RARA: variants seen among roughly 807,000 people sequenced by gnomAD.
RARA encodes the protein PML-DDX5-RARA fusion.
Under a neutral mutation model 42.8 loss-of-function variants are expected in RARA, and 5 were observed. The observed-to-expected ratio is 0.12, with a 90% CI of 0.06 to 0.25. RARA has a LOEUF of 0.25. RARA is among the 10% of genes least tolerant of loss of function. The probability of loss-of-function intolerance (pLI) is 1.00; values close to 1 mark genes in which losing one functional copy is unlikely to be tolerated. For synonymous variants in RARA, 256 were observed against 259.5 expected, an observed-to-expected ratio of 0.99 and a Z score of 0.13; for missense variants, 402 against 628.7, an observed-to-expected ratio of 0.64 and a Z score of 3.86.
chr17:40,311,132 C>G (rs2033086812), intron 1 of RARA, among the ~76,000 whole-genome samples: 1 of 152,002 alleles, frequency 6.6e-6, no homozygotes, highest in South Asian at 2.1e-4. Context: ...CTCTCTCTCC[C>G]CTGCCCAGTG....
At chr17:40,344,483 GC>G (rs1335221542) in intron 2 of RARA, among the ~76,000 whole-genome samples, 9 of 152,306 alleles carry the variant, frequency 5.9e-5, no homozygotes, top group African/African-American at 1.7e-4. Flanking sequence ...CTGGAGAGAA[GC>G]TGGGATCTGA....
rs187654761 is a variant in RARA at position 40,348,525 on chromosome 17, C to G, written c.327+61C>G. ...TGAGGTCAATGGGATGTCCCCACTT[C>G]TGTGTCCTGGGAGTGTGCAGTTGGG... On this transcript the variant is annotated intron_variant, in intron 3 of 8. Transcript: ENST00000254066. 5.6e-3 allele frequency: 8,874 copies of G among 1,571,396 alleles called. 34 individuals carry two copies. The highest frequency in any genetic ancestry group is 6.9e-3 in the Non-Finnish European group (7,968 of 1,157,352).
At chr17:40,313,991 A>G (rs2033143974) in intron 1 of RARA, among the ~76,000 whole-genome samples, 1 of 152,258 alleles carries the variant, frequency 6.6e-6, no homozygotes, top group Non-Finnish European at 1.5e-5. Flanking sequence ...TTGTAGCCAG[A>G]GCACTGAGCA....
chr17:40,333,554 T>C (rs1193659702), intron 2 of RARA, among the ~76,000 whole-genome samples: 1 of 152,048 alleles, frequency 6.6e-6, no homozygotes, highest in Non-Finnish European at 1.5e-5. Flanking sequence ...CAGGCCAGTC[T>C]TGGACTCCTG....
chr17:40,342,046 A>C, intron 2 of RARA: 1 of 1,056,542 alleles, frequency 9.5e-7, no homozygotes, highest in Non-Finnish European at 1.1e-6. Flanking sequence ...CTCCCGCTGC[A>C]GCCGGACGCG....
chr17:40,341,871 C>T (rs2034061517), intron 2 of RARA: 17 of 1,012,478 alleles, frequency 1.7e-5, no homozygotes, highest in East Asian at 3.3e-5. Context: ...CGTCCTTGTC[C>T]CCTCGCAGCC....
At chr17:40,330,390 A>C (rs143902765) in intron 1 of RARA, among the ~76,000 whole-genome samples, 2 of 151,746 alleles carry the variant, frequency 1.3e-5, no homozygotes, top group African/African-American at 4.8e-5. Context: ...CTGGGGGGGA[A>C]GTGGTGTAAG....
chr17:40,344,814 T>C (rs2034201938), intron 2 of RARA, among the ~76,000 whole-genome samples: 1 of 152,118 alleles, frequency 6.6e-6, no homozygotes, highest in Admixed American at 6.5e-5. Context: ...GGGCTTGCCT[T>C]GAGGCACAGG....
At chr17:40,323,223 A>G (rs1364413256) in intron 1 of RARA, 2 of 152,174 alleles carry the variant, frequency 1.3e-5, no homozygotes, top group Non-Finnish European at 2.9e-5. Flanking sequence ...GGAGACTGTG[A>G]CCGCATCTGG....
chr17:40,338,654 C>T (rs1372612967), intron 2 of RARA, among the ~76,000 whole-genome samples: 1 of 146,280 alleles, frequency 6.8e-6, no homozygotes, highest in Admixed American at 6.8e-5. Flanking sequence ...TTGTAGTGAG[C>T]CGAGATCGCG....
intron 1 of RARA, among the ~76,000 whole-genome samples, chr17:40,322,714 G>A (rs939702617): frequency 1.3e-5 from 2 of 151,914 alleles, no homozygotes; most frequent in African/African-American, 4.8e-5. Context: ...GTCACGGCAG[G>A]AAGTGGAAAA....
chr17:40,352,935 C>T lies in RARA; in HGVS notation c.807+428C>T, dbSNP rs866759639. Among the ~76,000 whole-genome samples, 94 of 152,284 alleles carry T rather than the reference C, an allele frequency of 6.2e-4. 1 individual carries two copies. The highest frequency in any genetic ancestry group is 1.9e-3 in the African/African-American group (79 of 41,552). Reference sequence around the variant, plus strand: ...TTCTGCAAAAAACTAAAAAGATTCACCTAGGATCCTCTGGCCAGTGTTCGA... The same window carrying T: ...TTCTGCAAAAAACTAAAAAGATTCATCTAGGATCCTCTGGCCAGTGTTCGA... On this transcript the variant is annotated intron_variant, in intron 6 of 8. Coordinates refer to ENST00000254066, the MANE Select transcript of RARA (RefSeq NM_000964.4). This position sits in a 1 kb window ranked among gnomAD's most constrained non-coding sequence, Gnocchi z 4.9.
In RARA at chr17:40,352,100, G is replaced by T; in HGVS notation, c.630+30G>T. The T allele has an allele frequency of 6.5e-7, 1 of 1,526,974 alleles. No homozygotes were observed. The highest frequency in any genetic ancestry group is 1.3e-5 in the South Asian group (1 of 79,230). 94.6% of individuals were successfully genotyped at this position (1,526,974 alleles called of 1,614,324 possible). A position where few individuals can be genotyped will look rare whatever the true frequency, so the allele number is the denominator to read the frequency against. On this transcript the variant is annotated intron_variant, in intron 5 of 8. Coordinates refer to ENST00000254066, the MANE Select transcript of RARA (RefSeq NM_000964.4). This position sits in a 1 kb window ranked among gnomAD's most constrained non-coding sequence, Gnocchi z 4.9. ...GGCTTTCCCCCGGCCTGCAGGGTGGGATTTGCCCAGGGCCACAGGGCCAGG... is the reference window on the plus strand; with the variant it reads ...GGCTTTCCCCCGGCCTGCAGGGTGGTATTTGCCCAGGGCCACAGGGCCAGG...
At chr17:40,314,352 T>C (rs974157178) in intron 1 of RARA, among the ~76,000 whole-genome samples, 1 of 151,778 alleles carries the variant, frequency 6.6e-6, no homozygotes, top group Non-Finnish European at 1.5e-5. Context: ...AGTGCATGTG[T>C]ATATGAGGGG....
intron 1 of RARA, among the ~76,000 whole-genome samples, chr17:40,314,895 C>T (rs990290340): frequency 1.3e-5 from 2 of 151,864 alleles, no homozygotes; most frequent in African/African-American, 2.4e-5. Context: ...ATGTGTGCAG[C>T]CCCCAGTGTC....
intron 2 of RARA, among the ~76,000 whole-genome samples, chr17:40,335,488 G>C (rs1050131349): frequency 6.6e-6 from 1 of 151,806 alleles, no homozygotes; most frequent in Non-Finnish European, 1.5e-5. Flanking sequence ...TCAGGAGTTT[G>C]AGACCAGCCT....
chr17:40,351,829 G>A lies in RARA; in HGVS notation c.470-81G>A. ...AGCCTGGGTGACCTCCTCAGCAGCT[G>A]GCAGCTCTCTGTCAGGCTGGGGGTG... On this transcript the variant is annotated intron_variant, in intron 4 of 8. Transcript: ENST00000254066. The surrounding 1 kb of genome is among the most constrained non-coding windows in gnomAD (Gnocchi z 4.1). The A allele has an allele frequency of 1.3e-6, 2 of 1,538,432 alleles. No individual in the cohort carries two copies. Among genetic ancestry groups the A allele is most frequent in the South Asian group, 1.2e-5 (1 of 81,790 alleles).
In RARA at chr17:40,351,883, C is replaced by A; in HGVS notation, c.470-27C>A. The A allele has an allele frequency of 6.3e-7, 1 of 1,595,188 alleles. No homozygotes were observed. Among genetic ancestry groups the A allele is most frequent in the South Asian group, 1.1e-5 (1 of 88,120 alleles). ...GAGGCCCTGAGCAGCCTGCAGCTGC[C>A]CTCTTAACCCCCTCTGCCCTCCACA... On this transcript the variant is annotated intron_variant, in intron 4 of 8. Transcript: ENST00000254066. This position sits in a 1 kb window ranked among gnomAD's most constrained non-coding sequence, Gnocchi z 4.1.
At position 40,331,154 on chromosome 17, in the gene RARA, G is replaced by A. The variant is rs986128105; in HGVS notation, c.-65G>A. On this transcript the variant is annotated 5_prime_UTR_variant, in exon 2 of 9. Transcript: ENST00000254066. ...CAGGCCCCATGCCCCGAGGAGGGGT[G>A]GTCTGAAGCCCACCAGAGCCCCCTG... 1.6e-5 allele frequency: 24 copies of A among 1,494,666 alleles called. No homozygotes were observed. The African/African-American group carries it at 2.8e-4, about 17-fold the overall frequency. The allele number at this position is 1,494,666 out of a possible 1,614,324, so 92.6% of individuals were successfully genotyped here.
Sources: allele counts gnomAD v4.1 joint callset (sites outside exome capture counted in the v4.1 genomes callset), GRCh38; gene constraint gnomAD v4.1.1; non-coding constraint Gnocchi (gnomAD v3.1); transcripts MANE v1.5; gene names NCBI Gene and HGNC (gene_info 2026-07-23, HGNC 2026-07-21).